The following SPECC1 variants were observed in gnomAD, a reference collection of about 807,000 sequenced individuals.
SPECC1 encodes sperm antigen with calponin homology and coiled-coil domains 1, also known as cytospin-B.
In SPECC1, 62 loss-of-function variants were observed where a neutral mutation model predicts 104.1. The ratio of observed to expected loss-of-function variants is 0.60; its 90% CI spans 0.49 to 0.74. SPECC1 has a LOEUF of 0.74. Among genes scored for constraint, SPECC1 ranks in the 30% least tolerant of loss-of-function variants. The pLI, the probability that SPECC1 is intolerant of heterozygous loss-of-function variation, is 0.00. For missense variants in SPECC1, 1,306 were observed against 1,310.5 expected, an observed-to-expected ratio of 1.00 and a Z score of 0.05; for synonymous variants, 513 against 501.6, an observed-to-expected ratio of 1.02 and a Z score of -0.30.
intron 12 of SPECC1, among the ~76,000 whole-genome samples, chr17:20,288,494 A>G (rs531753680): frequency 1.4e-4 from 22 of 152,346 alleles, no homozygotes; most frequent in East Asian, 3.9e-4. Context: ...CCTCAACATC[A>G]CTGATCATTA....
rs573779877 is a variant in SPECC1 at position 20,160,197 on chromosome 17, C to T, written c.284-44136C>T. On this transcript the variant is annotated intron_variant, in intron 3 of 14. Transcript: ENST00000395527. ...TAAATTCCAAAATAGCCACTTAAGA[C>T]AGTTAAAGTTGATTGCTGCCTCATG... 2.6e-5 allele frequency among the ~76,000 whole-genome samples: 4 copies of T among 152,270 alleles called. No individual in the cohort carries two copies. In the East Asian group the frequency reaches 7.7e-4, roughly 29 times the overall value.
intron 10 of SPECC1, among the ~76,000 whole-genome samples, chr17:20,254,133 C>CTGTGTGTG (rs2039733221): frequency 9.9e-6 from 1 of 100,640 alleles, no homozygotes; most frequent in East Asian, 3.2e-4. Flanking sequence ...TGTTGTTACA[C>CTGTGTGTG]CGTGTGTGTG....
intron 11 of SPECC1, 64 bp from the exon 12 acceptor site, chr17:20,260,128 T>C: frequency 7.6e-7 from 1 of 1,311,056 alleles, no homozygotes; most frequent in Non-Finnish European, 1.1e-6. Flanking sequence ...ATTTATTTCT[T>C]GTGTATTTGA....
chr17:20,134,072 A>C (rs1406105851), intron 3 of SPECC1, among the ~76,000 whole-genome samples: 1 of 151,036 alleles, frequency 6.6e-6, no homozygotes, highest in Non-Finnish European at 1.5e-5. Flanking sequence ...ATATATGTTT[A>C]AATATAAACA....
chr17:20,091,956 C>T (rs534045870), intron 1 of SPECC1, among the ~76,000 whole-genome samples: 11 of 152,258 alleles, frequency 7.2e-5, no homozygotes, highest in South Asian at 2.1e-4. Context: ...AATTTAGTGG[C>T]GGAACAGCGT....
At chr17:20,245,787 AG>A in intron 7 of SPECC1, 138 bp from the exon 8 acceptor site, 1 of 994,364 alleles carries the variant, frequency 1.0e-6, no homozygotes, top group Non-Finnish European at 1.4e-6. Context: ...AAACTGGTAG[AG>A]AAAACAGGAT....
chr17:20,074,677 T>C (rs1255355991), intron 1 of SPECC1, among the ~76,000 whole-genome samples: 1 of 152,156 alleles, frequency 6.6e-6, no homozygotes, highest in Non-Finnish European at 1.5e-5. Flanking sequence ...CTCAGCTCCA[T>C]GGACTCTGTG....
chr17:20,037,182 T>TA (rs529443381), intron 1 of SPECC1, among the ~76,000 whole-genome samples: 219 of 152,344 alleles, frequency 1.4e-3, no homozygotes, highest in Middle Eastern at 6.8e-3. Context: ...TAATTATTTT[T>TA]ATATATTGCT....
intron 3 of SPECC1, among the ~76,000 whole-genome samples, chr17:20,165,362 C>T (rs1472567568): frequency 1.3e-5 from 2 of 152,192 alleles, no homozygotes; most frequent in Non-Finnish European, 2.9e-5. Flanking sequence ...CCAGCTCCAT[C>T]CGTGTCCCTG....
intron 1 of SPECC1, among the ~76,000 whole-genome samples, chr17:20,013,441 C>A (rs774420008): frequency 4.2e-4 from 64 of 151,946 alleles, no homozygotes; most frequent in Non-Finnish European, 4.9e-4. Context: ...TAGCTTTAGC[C>A]CATTTATATT....
Position 20,111,698 on chromosome 17 carries a change from G to A in SPECC1, c.283+1136G>A, listed in dbSNP as rs1230324136. The A allele has an allele frequency of 9.8e-6, 6 of 609,770 alleles. No homozygotes were observed. In the Admixed American group the frequency reaches 1.5e-4, roughly 15 times the overall value. 37.8% of individuals were successfully genotyped at this position (609,770 alleles called of 1,614,324 possible). On this transcript the variant is annotated intron_variant, in intron 3 of 14. Coordinates refer to ENST00000395527, the MANE Select transcript of SPECC1 (RefSeq NM_001243439.2). ...GTGTGTGGTGTGTCCCCAAAAGCAG[G>A]AAGGTGGCGAAAGGAGGCGAATCCC...
chr17:20,204,282 T>G, intron 3 of SPECC1, 51 bp from the exon 4 acceptor site: 1 of 1,560,580 alleles, frequency 6.4e-7, no homozygotes, highest in Non-Finnish European at 8.6e-7. Context: ...GGGTTTTGTT[T>G]ATAAGAATGC....
chr17:20,163,701 C>T (rs1366955289), intron 3 of SPECC1, among the ~76,000 whole-genome samples: 2 of 151,962 alleles, frequency 1.3e-5, no homozygotes, highest in African/African-American at 4.8e-5. Flanking sequence ...GCTACGACTA[C>T]AGGAGCATGT....
chr17:20,087,851 G>A (rs2047235672), intron 1 of SPECC1, among the ~76,000 whole-genome samples: 1 of 152,142 alleles, frequency 6.6e-6, no homozygotes, highest in African/African-American at 2.4e-5. Context: ...TAAACCAGGG[G>A]CTGTTTGGTG....
chr17:20,073,927 T>C (rs960435511), intron 1 of SPECC1, among the ~76,000 whole-genome samples: 1 of 152,204 alleles, frequency 6.6e-6, no homozygotes, highest in Non-Finnish European at 1.5e-5. Flanking sequence ...TTTTGACGTG[T>C]TGAAAGAAAA....
At chr17:20,283,135 G>A (rs1341800779) in intron 12 of SPECC1, among the ~76,000 whole-genome samples, 2 of 152,188 alleles carry the variant, frequency 1.3e-5, no homozygotes, top group Non-Finnish European at 2.9e-5. Context: ...AGTGAGCCCT[G>A]ATCACACTAT....
chr17:20,248,591 A>G (rs546569474), intron 9 of SPECC1, among the ~76,000 whole-genome samples: 38 of 152,284 alleles, frequency 2.5e-4, no homozygotes, highest in African/African-American at 9.1e-4. Flanking sequence ...TAAGTGAACA[A>G]TAATATCTTG....
At chr17:20,087,749 C>T (rs954665155) in intron 1 of SPECC1, among the ~76,000 whole-genome samples, 1 of 152,168 alleles carries the variant, frequency 6.6e-6, no homozygotes, top group African/African-American at 2.4e-5. Context: ...TCCCTAGTAG[C>T]ACAGGAAGGC....
At chr17:20,032,969 T>TA (rs1491328962) in intron 1 of SPECC1, among the ~76,000 whole-genome samples, 1 of 138,722 alleles carries the variant, frequency 7.2e-6, no homozygotes, top group East Asian at 2.0e-4. Flanking sequence ...TATATGTATA[T>TA]TTTTTTTTTT....
Sources: gnomAD v4.1 joint callset for allele counts (sites outside exome capture counted in the v4.1 genomes callset) on GRCh38, gnomAD v4.1.1 for gene constraint, MANE v1.5 for transcripts, NCBI Gene and HGNC (gene_info 2026-07-23, HGNC 2026-07-21) for gene names.